ART1: variants seen among roughly 807,000 people sequenced by gnomAD.
ART1 encodes GPI-linked NAD(P)(+)--arginine ADP-ribosyltransferase 1.
In ART1, 29 loss-of-function variants were observed where a neutral mutation model predicts 27.0. The observed-to-expected ratio is 1.08, with a 90% CI of 0.80 to 1.47. ART1 has a LOEUF of 1.47. Among genes scored for constraint, ART1 ranks in the 40% most tolerant of loss-of-function variants. The pLI is 0.00. For synonymous variants in ART1, 201 were observed against 172.2 expected (o/e 1.17, Z -1.31); for missense variants, 480 against 423.0 (o/e 1.13, Z -1.18).
intron 1 of ART1, among the ~76,000 whole-genome samples, chr11:3,658,193 T>A (rs1407704773): frequency 6.6e-6 from 1 of 151,152 alleles, no homozygotes; most frequent in Non-Finnish European, 1.5e-5. Flanking sequence ...ATTAGCTGGG[T>A]GTGGAGGCGG....
intron 1 of ART1, among the ~76,000 whole-genome samples, chr11:3,650,151 C>A (rs375673166): frequency 6.6e-6 from 1 of 152,234 alleles, no homozygotes; most frequent in Non-Finnish European, 1.5e-5. Context: ...AACTTCCACA[C>A]GCCTGAACTG....
intron 1 of ART1, among the ~76,000 whole-genome samples, chr11:3,658,314 CAG>C (rs1474165850): frequency 7.2e-6 from 1 of 138,680 alleles, no homozygotes; most frequent in East Asian, 2.1e-4. Flanking sequence ...GCCTGGGCAA[CAG>C]AGTGAGACTT....
intron 1 of ART1, among the ~76,000 whole-genome samples, chr11:3,657,638 A>C (rs2077584933): frequency 6.6e-6 from 1 of 152,208 alleles, no homozygotes; most frequent in Admixed American, 6.5e-5. Context: ...AAAGAGATCA[A>C]TCATATTCAG....
At chr11:3,652,805 A>C (rs550097132) in intron 1 of ART1, among the ~76,000 whole-genome samples, 1 of 151,286 alleles carries the variant, frequency 6.6e-6, no homozygotes, top group East Asian at 1.9e-4. Context: ...TGCTATCCCC[A>C]AACTGCCACT....
chr11:3,652,420 T>G lies in ART1; in HGVS notation c.-52-6742T>G, dbSNP rs2077531413. 4.0e-5 allele frequency among the ~76,000 whole-genome samples: 6 copies of G among 149,478 alleles called. No individual in the cohort carries two copies. In the South Asian group the frequency reaches 1.3e-3, roughly 32 times the overall value. On this transcript the variant is annotated intron_variant, in intron 1 of 4. Coordinates refer to ENST00000250693, the MANE Select transcript of ART1 (RefSeq NM_004314.3). ...AGTGAAACCTTTATATCCCTTACGG[T>G]CCTCTGTCTTCAGGAAAAGTAGAAC...
rs754820651 is a variant in ART1 at position 3,664,188 on chromosome 11, G to C, written c.983G>C (p.Ter328SerextTer65). The change falls in exon 5 of 5, where the codon TGA becomes TCA. Residue 328 changes from the stop codon to serine, a stop_lost. Transcript: ENST00000250693. ...TTTCCAGATGGTCCAGGCCTCCTTT[G>C]ATGCATGAGACACGGGACAGCCTCG... ...RAFPDGPGLL[*>S] 2 of 1,613,620 alleles carry C rather than the reference G, an allele frequency of 1.2e-6. No homozygotes were observed. Among genetic ancestry groups the C allele is most frequent in the Admixed American group, 3.3e-5 (2 of 60,012 alleles).
intron 1 of ART1, among the ~76,000 whole-genome samples, chr11:3,652,678 A>G (rs1205103583): frequency 6.6e-6 from 1 of 151,884 alleles, no homozygotes; most frequent in Non-Finnish European, 1.5e-5. Context: ...CATCCCTACT[A>G]TCTTCTGTCT....
At chr11:3,652,706 C>A (rs563738687) in intron 1 of ART1, among the ~76,000 whole-genome samples, 10 of 151,908 alleles carry the variant, frequency 6.6e-5, no homozygotes, top group Admixed American at 5.9e-4. Flanking sequence ...CTCCTATTCA[C>A]CATTCTCAAC....
At position 3,659,852 on chromosome 11, in the gene ART1, C is replaced by T. The variant is rs778171077; in HGVS notation, c.333C>T (p.Arg111=). Residue 111 remains arginine, a synonymous_variant, in exon 3 of 5, where the codon CGC becomes CGT. Coordinates refer to ENST00000250693, the MANE Select transcript of ART1 (RefSeq NM_004314.3). ...CATCCCCGCCACCCCTGGGCTTCCG[C>T]GATGAGCATGGGGTGGCCCTCCTGG... is the stretch of plus-strand genomic sequence containing the variant. The part of the protein sequence containing the change: ...TRPSPPPLGF[R]DEHGVALLAY... 6.2e-6 allele frequency: 10 copies of T among 1,612,470 alleles called. No homozygotes were observed. Among genetic ancestry groups the T allele is most frequent in the African/African-American group, 2.7e-5 (2 of 75,062 alleles).
chr11:3,661,993 C>T (rs1034633854), intron 4 of ART1, among the ~76,000 whole-genome samples: 2 of 152,212 alleles, frequency 1.3e-5, no homozygotes, highest in Admixed American at 1.3e-4. Flanking sequence ...GATCAGGCCC[C>T]TGAGAGATTC....
chr11:3,661,323 A>G, intron 3 of ART1, 49 bp from the exon 4 acceptor site: 1 of 1,579,182 alleles, frequency 6.3e-7, no homozygotes, highest in South Asian at 1.1e-5. Context: ...GTCCCTTTCC[A>G]TCCTGACAGC....
chr11:3,651,067 A>T (rs2077518097), intron 1 of ART1, among the ~76,000 whole-genome samples: 1 of 152,142 alleles, frequency 6.6e-6, no homozygotes, highest in South Asian at 2.1e-4. Context: ...CTTACAGGTT[A>T]GTTCAGAATC....
chr11:3,653,634 T>C lies in ART1; in HGVS notation c.-52-5528T>C, dbSNP rs979931182. On this transcript the variant is annotated intron_variant, in intron 1 of 4. Transcript: ENST00000250693. ...GGTGGTCTCTTCACACGGACGCGCA[T>C]GAAAAGAGGAGCTTCGTATTTTTTT... Among the ~76,000 whole-genome samples, 4 of 152,194 alleles carry C rather than the reference T, an allele frequency of 2.6e-5. No homozygotes were observed. The East Asian group carries it at 7.7e-4, about 29-fold the overall frequency.
At chr11:3,651,079 G>A (rs912371939) in intron 1 of ART1, among the ~76,000 whole-genome samples, 22 of 151,964 alleles carry the variant, frequency 1.4e-4, no homozygotes, top group South Asian at 6.2e-4. Flanking sequence ...TTCAGAATCC[G>A]CGCCTTATCA....
At chr11:3,653,511 C>A (rs12293639) in intron 1 of ART1, among the ~76,000 whole-genome samples, 1 of 151,000 alleles carries the variant, frequency 6.6e-6, no homozygotes, top group Non-Finnish European at 1.5e-5. Flanking sequence ...TCCTATAAAA[C>A]GGACCCACCC....
intron 1 of ART1, among the ~76,000 whole-genome samples, chr11:3,655,999 C>T (rs1359922538): frequency 7.1e-6 from 1 of 140,362 alleles, no homozygotes; most frequent in African/African-American, 2.6e-5. Context: ...ATGGTGCGAT[C>T]TCGGGTCACT....
Position 3,660,107 on chromosome 11 carries a change from G to T in ART1, c.588G>T (p.Arg196Ser), listed in dbSNP as rs1193022443. The T allele has an allele frequency of 1.9e-6, 3 of 1,613,852 alleles. No homozygotes were observed. Among genetic ancestry groups the T allele is most frequent in the Non-Finnish European group, 2.5e-6 (3 of 1,179,978 alleles). ...FRPAGPRATV[R>S]LGGFASASLK... ...CAGCAGGGCCCCGGGCCACCGTGAG[G>T]CTGGGGGGCTTTGCTTCTGCCTCCC... The change falls in exon 3 of 5, where the codon AGG becomes AGT. Residue 196 changes from arginine (R) to serine (S), a missense_variant. Transcript: ENST00000250693.
chr11:3,649,329 G>A (rs1402968605), intron 1 of ART1, among the ~76,000 whole-genome samples: 1 of 152,150 alleles, frequency 6.6e-6, no homozygotes, highest in African/African-American at 2.4e-5. Context: ...CCAGAAAACG[G>A]CACTTTCAAT....
At chr11:3,661,146 G>T (rs1238991965) in intron 3 of ART1, among the ~76,000 whole-genome samples, 5 of 152,158 alleles carry the variant, frequency 3.3e-5, no homozygotes, top group African/African-American at 1.2e-4. Flanking sequence ...GAGCAGGAGT[G>T]CCCCAGAGTA....
Sources: allele counts gnomAD v4.1 joint callset (sites outside exome capture counted in the v4.1 genomes callset), GRCh38; gene constraint gnomAD v4.1.1; transcripts MANE v1.5; gene names NCBI Gene and HGNC (gene_info 2026-07-23, HGNC 2026-07-21).